ZBTB20: variants seen among roughly 807,000 people sequenced by gnomAD.
The protein encoded by ZBTB20 is zinc finger and BTB domain containing 20, also known as zinc finger and BTB domain-containing protein 20.
ZBTB20 carries 9 observed loss-of-function variants against 56.9 expected under a neutral mutation model. That is an observed-to-expected ratio of 0.16 (90% CI 0.10 to 0.28). The LOEUF is 0.28. Among genes scored for constraint, ZBTB20 ranks in the 10% least tolerant of loss-of-function variants. ZBTB20 has a pLI of 1.00. For synonymous variants in ZBTB20, 417 were observed against 420.7 expected (o/e 0.99, Z 0.11); for missense variants, 655 against 1,003.0 (o/e 0.65, Z 4.69).
At chr3:115,012,725 G>C (rs1431689883) in intron 2 of ZBTB20, among the ~76,000 whole-genome samples, 1 of 151,754 alleles carries the variant, frequency 6.6e-6, no homozygotes, top group African/African-American at 2.4e-5. Flanking sequence ...GGATCTAATA[G>C]ATATTTACAG....
chr3:114,693,459 G>GA (rs1485914056), intron 6 of ZBTB20, 69 bp downstream of exon 6: 4 of 152,076 alleles, frequency 2.6e-5, no homozygotes, highest in Non-Finnish European at 4.4e-5. Context: ...GAGGTTCATG[G>GA]AAAGATATTT....
chr3:114,492,981 T>A (rs887484069), intron 7 of ZBTB20, among the ~76,000 whole-genome samples: 2 of 152,202 alleles, frequency 1.3e-5, no homozygotes, highest in South Asian at 4.1e-4. Context: ...GACAGTTCCA[T>A]CACAAAAGAT....
At chr3:114,859,486 G>T (rs79107270) in intron 4 of ZBTB20, among the ~76,000 whole-genome samples, 3,606 of 150,688 alleles carry the variant, frequency 0.024, 51 homozygotes, top group South Asian at 0.052. Flanking sequence ...ATTTGAGTAA[G>T]AAAATAATAT....
intron 7 of ZBTB20, among the ~76,000 whole-genome samples, chr3:114,478,766 G>A (rs969639645): frequency 6.6e-6 from 1 of 152,086 alleles, no homozygotes; most frequent in Non-Finnish European, 1.5e-5. Flanking sequence ...GTCTGAAAAA[G>A]GTGGTTTTCT....
At chr3:114,454,800 T>G (rs1036638670) in intron 7 of ZBTB20, 6 of 152,146 alleles carry the variant, frequency 3.9e-5, no homozygotes, top group Middle Eastern at 6.5e-3. Context: ...CTCTCTCCTG[T>G]CTGTGTCTCT....
At chr3:114,864,780 A>G (rs2075693564) in intron 4 of ZBTB20, among the ~76,000 whole-genome samples, 1 of 152,146 alleles carries the variant, frequency 6.6e-6, no homozygotes, top group Non-Finnish European at 1.5e-5. Flanking sequence ...GAAGTATACA[A>G]AAGTGTTAAG....
At chr3:114,453,151 T>C (rs1182586431) in intron 7 of ZBTB20, among the ~76,000 whole-genome samples, 1 of 152,196 alleles carries the variant, frequency 6.6e-6, no homozygotes, top group East Asian at 1.9e-4. Flanking sequence ...AAATGTTTGC[T>C]ACAACACAAA....
intron 6 of ZBTB20, among the ~76,000 whole-genome samples, chr3:114,575,008 C>T (rs1049932398): frequency 6.6e-6 from 1 of 152,018 alleles, no homozygotes; most frequent in South Asian, 2.1e-4. Context: ...CTGGAAAGGG[C>T]TTTAAAGTAC....
chr3:114,486,805 G>A (rs2042200564), intron 7 of ZBTB20, among the ~76,000 whole-genome samples: 4 of 152,126 alleles, frequency 2.6e-5, no homozygotes, highest in Admixed American at 2.6e-4. Context: ...ATTAAAGGTA[G>A]AACCCATTTT....
Position 114,351,730 on chromosome 3 carries a change from G to C in ZBTB20, c.348C>G (p.Arg116=), listed in dbSNP as rs760894541. Residue 116 remains arginine, a synonymous_variant, in exon 11 of 12, where the codon CGC becomes CGG. Coordinates refer to ENST00000675478, the MANE Select transcript of ZBTB20 (RefSeq NM_001348800.3). ...VTVRIHGSML[R]AHRCVLAAGS... is the part of the protein sequence containing the mutation. ...CGGCTGCCAGCACGCAGCGGTGTGC[G>C]CGCAGCATGCTCCCGTGGATGCGCA... 9 of 1,614,078 alleles carry C rather than the reference G, an allele frequency of 5.6e-6. No individual in the cohort carries two copies. The highest frequency in any genetic ancestry group is 7.6e-6 in the Non-Finnish European group (9 of 1,180,026).
rs79988001 is a variant in ZBTB20, at chr3:115,047,516, A to G, written c.-507+23703T>C. ...CTATTCACTATTTATACTTATAATC[A>G]TTATTGTACATTATTGTTAGAATTT... On this transcript the variant is annotated intron_variant, in intron 2 of 11. Transcript: ENST00000675478. 2.1e-3 allele frequency among the ~76,000 whole-genome samples: 313 copies of G among 152,320 alleles called. 7 individuals are homozygous for G. In the East Asian group the frequency reaches 0.048, roughly 23 times the overall value.
Position 114,350,452 on chromosome 3 carries a change from C to T in ZBTB20, c.1626G>A (p.Val542=). 6.2e-7 allele frequency: 1 copy of T among 1,613,970 alleles called. No homozygotes were observed. The highest frequency in any genetic ancestry group is 8.5e-7 in the Non-Finnish European group (1 of 1,179,986). The change falls in exon 11 of 12, where the codon GTG becomes GTA. Residue 542 remains valine (V), a synonymous_variant. Transcript: ENST00000675478. Reference sequence around the variant, plus strand: ...TAAAGGTCGACAGACCGGGCTGGGACACTGTCACAAACTGGGTCTGCTGGC... The same window carrying T: ...TAAAGGTCGACAGACCGGGCTGGGATACTGTCACAAACTGGGTCTGCTGGC... ...LAGQQTQFVT[V]SQPGLSTFTA... is the part of the protein sequence containing the mutation.
chr3:114,900,978 T>C (rs1358672715), intron 3 of ZBTB20, among the ~76,000 whole-genome samples: 1 of 152,188 alleles, frequency 6.6e-6, no homozygotes, highest in Admixed American at 6.5e-5. Flanking sequence ...GAAGTAGGTA[T>C]TGATACAGAA....
chr3:114,929,229 CA>C (rs1258432934), intron 3 of ZBTB20, among the ~76,000 whole-genome samples: 4 of 152,160 alleles, frequency 2.6e-5, no homozygotes, highest in African/African-American at 4.8e-5. Context: ...CAGTGCTATC[CA>C]GGGAAGAAAA....
chr3:114,765,877 C>G (rs1218917584), intron 5 of ZBTB20, among the ~76,000 whole-genome samples: 1 of 152,090 alleles, frequency 6.6e-6, no homozygotes, highest in South Asian at 2.1e-4. Flanking sequence ...TGAGATGTTG[C>G]CATCTTTACT....
At chr3:114,839,474 A>AGG (rs1251964097) in intron 4 of ZBTB20, among the ~76,000 whole-genome samples, 2 of 151,858 alleles carry the variant, frequency 1.3e-5, no homozygotes, top group Non-Finnish European at 2.9e-5. Flanking sequence ...AAAGAGAGAG[A>AGG]GAAAGAAAGA....
At chr3:114,703,376 G>T (rs1401698817) in intron 5 of ZBTB20, among the ~76,000 whole-genome samples, 7 of 152,046 alleles carry the variant, frequency 4.6e-5, no homozygotes, top group African/African-American at 1.7e-4. Context: ...AGCAGGCTTT[G>T]TATTTGTACA....
chr3:114,950,542 A>C (rs985505169), intron 3 of ZBTB20, among the ~76,000 whole-genome samples: 3 of 152,162 alleles, frequency 2.0e-5, no homozygotes, highest in African/African-American at 7.2e-5. Flanking sequence ...GAAATCATGA[A>C]TCAAGTGGGA....
chr3:115,046,894 T>A (rs1381205795), intron 2 of ZBTB20, among the ~76,000 whole-genome samples: 1 of 152,110 alleles, frequency 6.6e-6, no homozygotes, highest in Admixed American at 6.5e-5. Flanking sequence ...AAAACAAAAG[T>A]CATCAAGCAT....
Sources: gnomAD v4.1 joint callset for allele counts (sites outside exome capture counted in the v4.1 genomes callset) on GRCh38, gnomAD v4.1.1 for gene constraint, MANE v1.5 for transcripts, NCBI Gene and HGNC (gene_info 2026-07-23, HGNC 2026-07-21) for gene names.